EPB41L3: variants seen among roughly 807,000 people sequenced by gnomAD.
EPB41L3 encodes the protein erythrocyte membrane protein band 4.1 like 3, also known as band 4.1-like protein 3.
In EPB41L3, 57 loss-of-function variants were observed where a neutral mutation model predicts 127.1. The observed-to-expected ratio is 0.45, with a 90% confidence interval of 0.36 to 0.56. EPB41L3 has a LOEUF of 0.56. EPB41L3 is among the 20% of genes least tolerant of loss of function. The pLI is 0.00. For missense variants in EPB41L3, 1,273 were observed against 1,372.2 expected, an observed-to-expected ratio of 0.93 and a Z score of 1.14; for synonymous variants, 572 against 549.5, an observed-to-expected ratio of 1.04 and a Z score of -0.57.
chr18:5,578,027 C>T (rs894021390), intron 3 of EPB41L3, among the ~76,000 whole-genome samples: 9 of 151,900 alleles, frequency 5.9e-5, no homozygotes, highest in Non-Finnish European at 7.4e-5. Context: ...CTGGCCACAC[C>T]GATAAGCAGC....
chr18:5,555,564 GC>G (rs1382714788), intron 3 of EPB41L3, among the ~76,000 whole-genome samples: 2 of 151,942 alleles, frequency 1.3e-5, no homozygotes, highest in Non-Finnish European at 2.9e-5. Context: ...AGAAACCCAG[GC>G]ATCTCCTGGA....
intron 3 of EPB41L3, among the ~76,000 whole-genome samples, chr18:5,555,353 G>A (rs1024948444): frequency 6.6e-6 from 1 of 152,176 alleles, no homozygotes; most frequent in Non-Finnish European, 1.5e-5. Flanking sequence ...TGAGTTGGTA[G>A]AGGTGTATCT....
chr18:5,500,457 G>A (rs530730895), intron 1 of EPB41L3, among the ~76,000 whole-genome samples: 33 of 152,090 alleles, frequency 2.2e-4, no homozygotes, highest in African/African-American at 7.7e-4. Context: ...TTCTGAAATG[G>A]GTCTCTCTTT....
intron 3 of EPB41L3, among the ~76,000 whole-genome samples, chr18:5,465,560 A>G (rs1357029364): frequency 6.6e-6 from 1 of 152,168 alleles, no homozygotes; most frequent in Non-Finnish European, 1.5e-5. Context: ...AGAAGGGAAT[A>G]TATGTTTTAT....
Position 5,489,013 on chromosome 18 carries a change from C to T in EPB41L3, c.171G>A (p.Pro57=), listed in dbSNP as rs749562073. Reference sequence around the variant, plus strand: ...GGCCTGGGCTCACCTCCCTCCGCACCGGGGTGCTGTGCGCTGCAGCGGCGG... The same window carrying T: ...GGCCTGGGCTCACCTCCCTCCGCACTGGGGTGCTGTGCGCTGCAGCGGCGG... ...QFAAAAAHST[P]VRREVTDKEQ... The change falls in exon 2 of 23, where the codon CCG becomes CCA. Residue 57 remains proline, a synonymous_variant. Transcript: ENST00000341928. 2 of 1,583,732 alleles carry T rather than the reference C, an allele frequency of 1.3e-6. No homozygotes were observed. Among genetic ancestry groups the T allele is most frequent in the African/African-American group, 1.4e-5 (1 of 72,056 alleles).
intron 3 of EPB41L3, among the ~76,000 whole-genome samples, chr18:5,451,501 A>G (rs1461430903): frequency 1.3e-5 from 2 of 152,176 alleles, no homozygotes; most frequent in African/African-American, 2.4e-5. Flanking sequence ...ACTTTATGGC[A>G]GCACTTTCTA....
intron 1 of EPB41L3, among the ~76,000 whole-genome samples, chr18:5,498,689 C>CA (rs953216611): frequency 1.3e-5 from 2 of 150,312 alleles, no homozygotes; most frequent in African/African-American, 4.9e-5. Context: ...AGGTTTTAAG[C>CA]AAAAAAATCA....
At chr18:5,419,993 C>A in intron 11 of EPB41L3, 116 bp from the exon 12 acceptor site, 1 of 1,566,478 alleles carries the variant, frequency 6.4e-7, no homozygotes, top group Admixed American at 1.8e-5. Flanking sequence ...GACACATGAA[C>A]AATACCAACT....
intron 12 of EPB41L3, among the ~76,000 whole-genome samples, chr18:5,419,451 T>C (rs1462513777): frequency 3.3e-5 from 5 of 152,334 alleles, no homozygotes; most frequent in East Asian, 1.9e-4. Context: ...ATTTTTAAGA[T>C]ACACATACAG....
intron 3 of EPB41L3, among the ~76,000 whole-genome samples, chr18:5,555,844 G>A (rs1028651963): frequency 1.3e-5 from 2 of 152,140 alleles, no homozygotes; most frequent in Admixed American, 6.5e-5. Context: ...CAGCCTCGAT[G>A]CTGTAAGTGT....
At chr18:5,476,763 T>C (rs977080292) in intron 3 of EPB41L3, among the ~76,000 whole-genome samples, 6 of 152,218 alleles carry the variant, frequency 3.9e-5, no homozygotes, top group African/African-American at 7.2e-5. Context: ...AGTTTCATAG[T>C]AAAACCCAGC....
At chr18:5,467,009 T>C (rs1325001225) in intron 3 of EPB41L3, among the ~76,000 whole-genome samples, 2 of 152,132 alleles carry the variant, frequency 1.3e-5, no homozygotes, top group Admixed American at 1.3e-4. Context: ...ATCAGGAAAA[T>C]TGAAAAAGAA....
intron 3 of EPB41L3, among the ~76,000 whole-genome samples, chr18:5,575,552 G>A (rs573588106): frequency 1.4e-3 from 215 of 152,196 alleles, no homozygotes; most frequent in Non-Finnish European, 2.2e-3. Context: ...AATACATCTA[G>A]TTGGCCCGGT....
intron 3 of EPB41L3, among the ~76,000 whole-genome samples, chr18:5,453,607 T>C (rs180711817): frequency 4.1e-4 from 63 of 152,326 alleles, no homozygotes; most frequent in Admixed American, 4.1e-3. Flanking sequence ...GTATCCTTAT[T>C]TGAGGGGCTG....
At chr18:5,467,956 C>A (rs539577124) in intron 3 of EPB41L3, among the ~76,000 whole-genome samples, 1 of 152,278 alleles carries the variant, frequency 6.6e-6, no homozygotes, top group Admixed American at 6.5e-5. Flanking sequence ...CTCAGGGGTA[C>A]AGGAACCCCC....
intron 12 of EPB41L3, among the ~76,000 whole-genome samples, chr18:5,418,536 C>A (rs1375187886): frequency 6.6e-6 from 1 of 152,112 alleles, no homozygotes; most frequent in East Asian, 1.9e-4. Flanking sequence ...CCCTTTAAAG[C>A]CTTCCTTGAC....
At chr18:5,477,213 G>T (rs2087418748) in intron 3 of EPB41L3, among the ~76,000 whole-genome samples, 3 of 152,178 alleles carry the variant, frequency 2.0e-5, no homozygotes, top group African/African-American at 7.2e-5. Flanking sequence ...CAGAGTAAAT[G>T]GGAACATGGG....
chr18:5,583,075 G>A (rs925161105), intron 3 of EPB41L3, among the ~76,000 whole-genome samples: 3 of 152,190 alleles, frequency 2.0e-5, no homozygotes, highest in African/African-American at 7.2e-5. Flanking sequence ...GAATTTCTGA[G>A]ACGCAGCTGA....
In EPB41L3 at chr18:5,478,168, T is replaced by C. The variant is rs543358002; in HGVS notation, c.381+73A>G. 8.3e-6 allele frequency: 11 copies of C among 1,326,072 alleles called. No individual in the cohort carries two copies. The South Asian group carries it at 1.3e-4, about 15-fold the overall frequency. 82.1% of individuals were successfully genotyped at this position (1,326,072 alleles called of 1,614,324 possible). A position where few individuals can be genotyped will look rare whatever the true frequency, so the allele number is the denominator to read the frequency against. Reference sequence around the variant, plus strand: ...AGAGTCCTAGAAAAATAAAGAGGCATCTTGTATATTTTATACCAACATTCC... The same window carrying C: ...AGAGTCCTAGAAAAATAAAGAGGCACCTTGTATATTTTATACCAACATTCC... On this transcript the variant is annotated intron_variant, in intron 3 of 22. Coordinates refer to ENST00000341928, the MANE Select transcript of EPB41L3 (RefSeq NM_012307.5).
Sources: gnomAD v4.1 joint callset for allele counts (sites outside exome capture counted in the v4.1 genomes callset) on GRCh38, gnomAD v4.1.1 for gene constraint, MANE v1.5 for transcripts, NCBI Gene and HGNC (gene_info 2026-07-23, HGNC 2026-07-21) for gene names.